Variants in KIF25 observed in about 807,000 individuals in gnomAD.
KIF25 encodes the protein kinesin-like protein KIF25.
In KIF25, 19 loss-of-function variants were observed where a neutral mutation model predicts 32.9. The ratio of observed to expected loss-of-function variants is 0.58; its 90% CI spans 0.40 to 0.85. The LOEUF (loss-of-function observed/expected upper bound fraction) is 0.85, where lower values mean the gene tolerates loss of function less well. Among genes scored for constraint, KIF25 ranks in the 40% least tolerant of loss-of-function variants. KIF25 has a pLI of 0.00. For missense variants in KIF25, 485 were observed against 507.0 expected (o/e 0.96, Z 0.42); for synonymous variants, 225 against 213.7 (o/e 1.05, Z -0.46).
intron 10 of KIF25, among the ~76,000 whole-genome samples, chr6:168,041,116 C>T (rs1799112698): frequency 6.6e-6 from 1 of 152,228 alleles, no homozygotes; most frequent in Non-Finnish European, 1.5e-5. Flanking sequence ...ACTGTAGTCC[C>T]ATCAAAACCT....
intron 11 of KIF25, among the ~76,000 whole-genome samples, 187 bp from the exon 12 acceptor site, chr6:168,042,374 C>T (rs1224938850): frequency 1.3e-5 from 2 of 152,184 alleles, no homozygotes; most frequent in African/African-American, 2.4e-5. Context: ...AACAGAAAAC[C>T]TGAGTTCCCA....
chr6:168,042,494 G>A, intron 11 of KIF25, 67 bp from the exon 12 acceptor site: 1 of 1,564,086 alleles, frequency 6.4e-7, no homozygotes. Context: ...CTCCCAAGGA[G>A]CCGGTTTTGC....
intron 4 of KIF25, among the ~76,000 whole-genome samples, chr6:168,009,438 A>T (rs1455817412): frequency 6.6e-6 from 1 of 152,096 alleles, no homozygotes; most frequent in African/African-American, 2.4e-5. Flanking sequence ...ATCATGGTGT[A>T]TTATCTTTTT....
intron 2 of KIF25, among the ~76,000 whole-genome samples, chr6:168,001,577 AGGCGTGGCCTCG>A (rs757345486): frequency 0.23 from 33,515 of 145,332 alleles, 6,513 homozygotes; most frequent in African/African-American, 0.26. Context: ...AAGACACCTG[AGGCGTGGCCTCG>A]GGCAGGTGAG....
chr6:168,035,833 C>G, intron 8 of KIF25: 1 of 448,350 alleles, frequency 2.2e-6, no homozygotes, highest in Non-Finnish European at 4.5e-6. Context: ...GCCGTACTCT[C>G]CCTACACCTC....
intron 5 of KIF25, among the ~76,000 whole-genome samples, chr6:168,020,379 G>T (rs901781933): frequency 1.3e-5 from 2 of 151,982 alleles, no homozygotes; most frequent in Non-Finnish European, 2.9e-5. Flanking sequence ...AAAGCTGAGA[G>T]AATTAATCGC....
At chr6:168,016,230 C>T (rs1258916895) in intron 4 of KIF25, among the ~76,000 whole-genome samples, 1 of 152,172 alleles carries the variant, frequency 6.6e-6, no homozygotes, top group Non-Finnish European at 1.5e-5. Flanking sequence ...GTGAAGGGAA[C>T]TGAAGAGCTG....
At chr6:168,010,159 T>A (rs1798629891) in intron 4 of KIF25, among the ~76,000 whole-genome samples, 1 of 152,090 alleles carries the variant, frequency 6.6e-6, no homozygotes, top group African/African-American at 2.4e-5. Context: ...GTCATTTATA[T>A]GAATCTTTCC....
chr6:168,006,513 G>A (rs1396336473), intron 4 of KIF25, among the ~76,000 whole-genome samples: 1 of 152,136 alleles, frequency 6.6e-6, no homozygotes, highest in South Asian at 2.1e-4. Context: ...TGTGGCACCG[G>A]GCGATTGCAC....
intron 5 of KIF25, among the ~76,000 whole-genome samples, chr6:168,026,337 G>A (rs895276665): frequency 5.3e-5 from 8 of 152,194 alleles, no homozygotes; most frequent in African/African-American, 1.9e-4. Flanking sequence ...AAATTGTGCT[G>A]TTAGAAGTGA....
At chr6:168,017,269 T>C (rs1052081132) in intron 4 of KIF25, among the ~76,000 whole-genome samples, 7 of 152,238 alleles carry the variant, frequency 4.6e-5, no homozygotes, top group South Asian at 2.1e-4. Context: ...AACACTGTTA[T>C]GGAAAAAATC....
chr6:168,016,199 T>TTTTGCTTC (rs1363758697), intron 4 of KIF25, among the ~76,000 whole-genome samples: 1 of 151,714 alleles, frequency 6.6e-6, no homozygotes, highest in Non-Finnish European at 1.5e-5. Flanking sequence ...GGTGTCGGAG[T>TTTTGCTTC]TTTGCTTCGG....
chr6:168,044,879 C>A lies in KIF25; in HGVS notation c.1038C>A (p.His346Gln), dbSNP rs1799195631. The A allele has an allele frequency of 6.2e-7, 1 of 1,611,644 alleles. No homozygotes were observed. The highest frequency in any genetic ancestry group is 1.3e-5 in the African/African-American group (1 of 75,012). The change falls in exon 13 of 13, where the codon CAC becomes CAA. Residue 346 changes from histidine (H) to glutamine (Q), a missense_variant. His to Gln is a conservative substitution (Grantham distance 24, BLOSUM62 0). This residue lies in a region of KIF25 where 480 missense variants were observed against 470.3 expected (regional missense o/e 1.02). Coordinates refer to ENST00000643607, the MANE Select transcript of KIF25 (RefSeq NM_030615.4). The part of the protein sequence containing the change: ...VILCISPSQR[H>Q]LAQTLQGLGF... Reference sequence around the variant, plus strand: ...TCTGCATTTCTCCCAGCCAGAGGCACCTGGCACAGACGTTGCAGGGCCTGG... The same window carrying A: ...TCTGCATTTCTCCCAGCCAGAGGCAACTGGCACAGACGTTGCAGGGCCTGG...
intron 5 of KIF25, among the ~76,000 whole-genome samples, chr6:168,024,924 G>A (rs1274265451): frequency 1.3e-5 from 2 of 152,116 alleles, no homozygotes; most frequent in Non-Finnish European, 2.9e-5. Flanking sequence ...GGTGGCACAC[G>A]CCTATAGTCC....
At chr6:168,003,730 C>CT (rs1451965295) in intron 4 of KIF25, 27 bp downstream of exon 4, 1 of 152,150 alleles carries the variant, frequency 6.6e-6, no homozygotes, top group African/African-American at 2.4e-5. Context: ...CCCACAGATC[C>CT]CTACAATGGA....
intron 4 of KIF25, among the ~76,000 whole-genome samples, chr6:168,015,364 GC>G (rs540012133): frequency 1.6e-4 from 25 of 152,280 alleles, no homozygotes; most frequent in African/African-American, 5.8e-4. Context: ...AGAATTTTAT[GC>G]CCCAAGTGCT....
At chr6:168,042,854 C>A in intron 12 of KIF25, 138 bp downstream of exon 12, 1 of 1,005,092 alleles carries the variant, frequency 9.9e-7, no homozygotes, top group Non-Finnish European at 1.4e-6. Context: ...GGCTAGCTGG[C>A]ACTCCCACGG....
intron 8 of KIF25, among the ~76,000 whole-genome samples, chr6:168,035,441 A>AACGGCGCTGCGGGG (rs1562390528): frequency 0.059 from 717 of 12,206 alleles, 2 homozygotes; most frequent in East Asian, 0.078. Flanking sequence ...GGCGCGGCGG[A>AACGGCGCTGCGGGG]GGAGGCGGGA....
rs1798446426 is a variant in KIF25, at chr6:167,998,100, A to G, written c.-1369A>G. On this transcript the variant is annotated 5_prime_UTR_variant, in exon 1 of 13. The change creates a new upstream start codon in the 5' untranslated region. Coordinates refer to ENST00000643607, the MANE Select transcript of KIF25 (RefSeq NM_030615.4). ...TAGCACCACCTCTCTGGGTTGCTAT[A>G]AAGACAAAGGGAGATATCAGTGAAG... is the stretch of plus-strand genomic sequence containing the variant. 6.6e-6 allele frequency: 1 copy of G among 152,074 alleles called. No individual in the cohort carries two copies. The allele number at this position is 152,074 out of a possible 1,614,324, so 9.4% of individuals were successfully genotyped here.
Sources: allele counts gnomAD v4.1 joint callset (sites outside exome capture counted in the v4.1 genomes callset), GRCh38; gene constraint gnomAD v4.1.1; regional missense constraint gnomAD v4.1.1; transcripts MANE v1.5; gene names NCBI Gene and HGNC (gene_info 2026-07-23, HGNC 2026-07-21).